ERVW-1: variants seen among roughly 807,000 people sequenced by gnomAD.
The protein encoded by ERVW-1 is endogenous retrovirus group W member 1, envelope.
ERVW-1 carries 21 observed loss-of-function variants against 16.6 expected under a neutral mutation model. The observed-to-expected ratio is 1.26, with a 90% CI of 0.90 to 1.82. The LOEUF (loss-of-function observed/expected upper bound fraction) is 1.82. ERVW-1 is among the 40% of genes most tolerant of loss of function. The pLI is 0.00. For missense variants in ERVW-1, 412 were observed against 300.2 expected, an observed-to-expected ratio of 1.37 and a Z score of -2.75; for synonymous variants, 161 against 109.8, an observed-to-expected ratio of 1.47 and a Z score of -2.92.
At chr7:92,476,429 CT>C (rs1790545711) in intron 1 of ERVW-1, among the ~76,000 whole-genome samples, 1 of 152,282 alleles carries the variant, frequency 6.6e-6, no homozygotes, top group African/African-American at 2.4e-5. Context: ...GGCCTCAGTG[CT>C]TTCGGCCTAT....
rs766292891 is a variant in ERVW-1 at position 92,469,466 on chromosome 7, A to G, written c.916T>C (p.Tyr306His). The G allele has an allele frequency of 1.3e-6, 1 of 768,204 alleles. No homozygotes were observed. Among genetic ancestry groups the G allele is most frequent in the East Asian group, 2.4e-5 (1 of 41,220 alleles). The allele number at this position is 768,204 out of a possible 1,614,324, so 47.6% of individuals were successfully genotyped here. Reference sequence around the variant, plus strand: ...CGGGGCTTAGATATGACATAACTGTATAAATCTTGTTCAGTGTAGATGGTC... The same window carrying G: ...CGGGGCTTAGATATGACATAACTGTGTAAATCTTGTTCAGTGTAGATGGTC... The part of the protein sequence containing the change: ...PMTIYTEQDL[Y>H]SYVISKPRNK... The change falls in exon 2 of 2, where the codon TAC (tyrosine) becomes CAC (histidine). Residue 306 changes from tyrosine (Y) to histidine (H), a missense_variant. Coordinates refer to ENST00000603053, the MANE Select transcript of ERVW-1 (RefSeq NM_001130925.2).
At chr7:92,473,064 G>A (rs1018826040) in intron 1 of ERVW-1, 3 of 152,340 alleles carry the variant, frequency 2.0e-5, no homozygotes, top group African/African-American at 7.2e-5. Context: ...GGTGAGTTGA[G>A]ATGTTGGGTT....
chr7:92,470,317 G>A lies in ERVW-1; in HGVS notation c.65C>T (p.Pro22Leu). The change falls in exon 2 of 2, where the codon CCC becomes CTC. Residue 22 changes from proline (P) to leucine (L), a missense_variant. Coordinates refer to ENST00000603053, the MANE Select transcript of ERVW-1 (RefSeq NM_001130925.2). Reference protein sequence around the residue: ...VLLPSFTLTAPPPCRCMTSSS... With the variant: ...VLLPSFTLTALPPCRCMTSSS... Reference sequence around the variant, plus strand: ...ACTGGTCATACAGCGGCATGGAGGGGGTGCAGTGAGAGTGAAAGAGGGTAA... The same window carrying A: ...ACTGGTCATACAGCGGCATGGAGGGAGTGCAGTGAGAGTGAAAGAGGGTAA... The A allele has an allele frequency of 1.3e-6, 1 of 773,138 alleles. No homozygotes were observed. Among genetic ancestry groups the A allele is most frequent in the East Asian group, 2.4e-5 (1 of 41,192 alleles). 47.9% of individuals were successfully genotyped at this position (773,138 alleles called of 1,614,324 possible).
At chr7:92,474,661 A>G (rs529516163) in intron 1 of ERVW-1, 2 of 152,222 alleles carry the variant, frequency 1.3e-5, no homozygotes, top group African/African-American at 4.8e-5. Flanking sequence ...GGCTGCAGTT[A>G]TGGTGGCACT....
chr7:92,468,735 T>C lies in ERVW-1; in HGVS notation c.*30A>G. The C allele has an allele frequency of 1.5e-6, 1 of 687,116 alleles. No individual in the cohort carries two copies. The highest frequency in any genetic ancestry group is 2.6e-6 in the Non-Finnish European group (1 of 381,674). 42.6% of individuals were successfully genotyped at this position (687,116 alleles called of 1,614,324 possible). A position where few individuals can be genotyped will look rare whatever the true frequency, so the allele number is the denominator to read the frequency against. Reference sequence around the variant, plus strand: ...CCCCATCTCAACAGGAAAACCTAAGTGCTGTTGGGGAGGTTGGCCGACGAC... The same window carrying C: ...CCCCATCTCAACAGGAAAACCTAAGCGCTGTTGGGGAGGTTGGCCGACGAC... On this transcript the variant is annotated 3_prime_UTR_variant, in exon 2 of 2. Coordinates refer to ENST00000603053, the MANE Select transcript of ERVW-1 (RefSeq NM_001130925.2).
In ERVW-1 at chr7:92,477,940, G is replaced by A. The variant is rs1396538742; in HGVS notation, c.-786C>T. On this transcript the variant is annotated 5_prime_UTR_variant, in exon 1 of 2. Transcript: ENST00000603053. ...TACAAAGGGAAGGGACCCAAAGGGGGGCTGCTGTTGCCAGCTCGAATGCCT... is the reference window on the plus strand; with the variant it reads ...TACAAAGGGAAGGGACCCAAAGGGGAGCTGCTGTTGCCAGCTCGAATGCCT... 6.6e-6 allele frequency: 1 copy of A among 152,580 alleles called. No homozygotes were observed. Among genetic ancestry groups the A allele is most frequent in the Non-Finnish European group, 1.5e-5 (1 of 68,312 alleles). The allele number at this position is 152,580 out of a possible 1,614,324, so 9.5% of individuals were successfully genotyped here. A position where few individuals can be genotyped will look rare whatever the true frequency, so the allele number is the denominator to read the frequency against.
chr7:92,476,143 A>C (rs1790534917), intron 1 of ERVW-1, among the ~76,000 whole-genome samples: 1 of 152,210 alleles, frequency 6.6e-6, no homozygotes, highest in Non-Finnish European at 1.5e-5. Flanking sequence ...CCGTTAGGAA[A>C]TCTGCTGGGT....
Position 92,468,584 on chromosome 7 carries a change from C to G in ERVW-1, c.*181G>C. The G allele has an allele frequency of 2.0e-6, 1 of 489,560 alleles. No homozygotes were observed. The highest frequency in any genetic ancestry group is 3.3e-5 in the East Asian group (1 of 29,900). 30.3% of individuals were successfully genotyped at this position (489,560 alleles called of 1,614,324 possible). A position where few individuals can be genotyped will look rare whatever the true frequency, so the allele number is the denominator to read the frequency against. On this transcript the variant is annotated 3_prime_UTR_variant, in exon 2 of 2. Transcript: ENST00000603053. ...TGCCTAATTAGCATTTTAGTGAGCT[C>G]TCTGATTGGTCAGGTGTGAGCTAAG...
chr7:92,474,282 G>A (rs1585193067), intron 1 of ERVW-1, among the ~76,000 whole-genome samples: 1 of 152,228 alleles, frequency 6.6e-6, no homozygotes. Flanking sequence ...TTTTTCTAAT[G>A]TCTGCAGCTG....
chr7:92,475,938 G>C (rs1029599109), intron 1 of ERVW-1, among the ~76,000 whole-genome samples: 1 of 152,224 alleles, frequency 6.6e-6, no homozygotes. Flanking sequence ...AGTGCAAACA[G>C]CTCACACGTT....
chr7:92,473,155 C>G (rs992200434), intron 1 of ERVW-1: 2 of 152,176 alleles, frequency 1.3e-5, no homozygotes, highest in Non-Finnish European at 2.9e-5. Flanking sequence ...AGGTCCAGGA[C>G]TGTAAACCAC....
chr7:92,468,663 G>A lies in ERVW-1; in HGVS notation c.*102C>T, dbSNP rs955276896. On this transcript the variant is annotated 3_prime_UTR_variant, in exon 2 of 2. Transcript: ENST00000603053. ...TGGTCACCTTCCCAGCTAGGCTTAGGGATTCTTAGTCAGCCTAGGAAATCC... is the reference window on the plus strand; with the variant it reads ...TGGTCACCTTCCCAGCTAGGCTTAGAGATTCTTAGTCAGCCTAGGAAATCC... The A allele has an allele frequency of 1.6e-6, 1 of 610,688 alleles. No individual in the cohort carries two copies. The highest frequency in any genetic ancestry group is 2.9e-6 in the Non-Finnish European group (1 of 343,164). The allele number at this position is 610,688 out of a possible 1,614,324, so 37.8% of individuals were successfully genotyped here.
intron 1 of ERVW-1, chr7:92,470,940 T>G (rs910819167): frequency 3.0e-5 from 5 of 167,354 alleles, no homozygotes; most frequent in African/African-American, 1.2e-4. Context: ...TTTGAGTGTT[T>G]CATTCATTTT....
intron 1 of ERVW-1, among the ~76,000 whole-genome samples, chr7:92,475,817 A>G (rs560791589): frequency 6.6e-6 from 1 of 152,306 alleles, no homozygotes; most frequent in African/African-American, 2.4e-5. Context: ...ATCAAGATGC[A>G]TTCCCATAAA....
chr7:92,472,457 C>T (rs1790386124), intron 1 of ERVW-1: 1 of 152,242 alleles, frequency 6.6e-6, no homozygotes, highest in South Asian at 2.1e-4. Context: ...GTTGCAAGCT[C>T]ATCCCTCGGA....
chr7:92,472,078 A>G (rs1268592972), intron 1 of ERVW-1: 2 of 152,338 alleles, frequency 1.3e-5, no homozygotes, highest in African/African-American at 4.8e-5. Flanking sequence ...GGATCAGTCA[A>G]AGGAACCTCT....
chr7:92,476,578 T>A (rs1395214230), intron 1 of ERVW-1, among the ~76,000 whole-genome samples: 1 of 152,146 alleles, frequency 6.6e-6, no homozygotes, highest in Non-Finnish European at 1.5e-5. Flanking sequence ...TATTTCTTTC[T>A]CTTTCTTTCT....
Position 92,476,559 on chromosome 7 carries a change from G to GT in ERVW-1, c.-228+822dup, listed in dbSNP as rs575086912. Among the ~76,000 whole-genome samples, 13 of 152,168 alleles carry GT rather than the reference G, an allele frequency of 8.5e-5. No homozygotes were observed. In the East Asian group the frequency reaches 2.5e-3, roughly 29 times the overall value. Reference sequence around the variant, plus strand: ...GGCTTTTAAAGGAATAGGGCACACTGTTTTTTACTATTTCTTTCTCTTTCT... The same window carrying GT: ...GGCTTTTAAAGGAATAGGGCACACTGTTTTTTTACTATTTCTTTCTCTTTCT... On this transcript the variant is annotated intron_variant, in intron 1 of 1. Coordinates refer to ENST00000603053, the MANE Select transcript of ERVW-1 (RefSeq NM_001130925.2).
chr7:92,476,953 G>A lies in ERVW-1; in HGVS notation c.-228+429C>T, dbSNP rs1190914731. On this transcript the variant is annotated intron_variant, in intron 1 of 1. Transcript: ENST00000603053. ...AGTACCTAGGAGGCAGGGATCAGAGGAAGTATATTCAGAGGTAAGGAGAAT... is the reference window on the plus strand; with the variant it reads ...AGTACCTAGGAGGCAGGGATCAGAGAAAGTATATTCAGAGGTAAGGAGAAT... Among the ~76,000 whole-genome samples the A allele has an allele frequency of 2.6e-5, 4 of 152,314 alleles. No homozygotes were observed. In the East Asian group the frequency reaches 7.7e-4, roughly 29 times the overall value.
Sources: gnomAD v4.1 joint callset for allele counts (sites outside exome capture counted in the v4.1 genomes callset) on GRCh38, gnomAD v4.1.1 for gene constraint, MANE v1.5 for transcripts, NCBI Gene and HGNC (gene_info 2026-07-23, HGNC 2026-07-21) for gene names.